ZBTB9: variants seen among roughly 807,000 people sequenced by gnomAD.
The protein encoded by ZBTB9 is zinc finger and BTB domain containing 9.
In ZBTB9, 17 loss-of-function variants were observed where a neutral mutation model predicts 26.3. That is an observed-to-expected ratio of 0.65 (90% confidence interval 0.44 to 0.97). The LOEUF is 0.97. ZBTB9 is among the 50% of genes least tolerant of loss of function. The pLI is 0.00. For missense variants in ZBTB9, 510 were observed against 594.2 expected (o/e 0.86, Z 1.47); for synonymous variants, 226 against 234.3 (o/e 0.96, Z 0.32).
rs1004993833 is a variant in ZBTB9, at chr6:33,456,653, T to C, written c.*131T>C. 1 of 1,430,740 alleles carries C rather than the reference T, an allele frequency of 7.0e-7. No individual in the cohort carries two copies. Among genetic ancestry groups the C allele is most frequent in the African/African-American group, 1.4e-5 (1 of 70,078 alleles). The allele number at this position is 1,430,740 out of a possible 1,614,324, so 88.6% of individuals were successfully genotyped here. On this transcript the variant is annotated 3_prime_UTR_variant, in exon 2 of 2. Coordinates refer to ENST00000395064, the MANE Select transcript of ZBTB9 (RefSeq NM_152735.4). The surrounding 1 kb of genome is among the most constrained non-coding windows in gnomAD (Gnocchi z 5.1). ...CAAGAGAATAGATACATTATGGACC[T>C]CTTGTTCTTAGATATGGGCCTCTCA...
chr6:33,457,387 G>A lies in ZBTB9; in HGVS notation c.*865G>A, dbSNP rs1294391323. 1 of 167,250 alleles carries A rather than the reference G, an allele frequency of 6.0e-6. No homozygotes were observed. The highest frequency in any genetic ancestry group is 1.9e-4 in the East Asian group (1 of 5,194). The allele number at this position is 167,250 out of a possible 1,614,324, so 10.4% of individuals were successfully genotyped here. A position where few individuals can be genotyped will look rare whatever the true frequency, so the allele number is the denominator to read the frequency against. On this transcript the variant is annotated 3_prime_UTR_variant, in exon 2 of 2. Transcript: ENST00000395064. Reference sequence around the variant, plus strand: ...GACAGCACAAGCTGAAGGCTGGAGAGTAACTTGCATAGTAGGACCATACCT... The same window carrying A: ...GACAGCACAAGCTGAAGGCTGGAGAATAACTTGCATAGTAGGACCATACCT...
Position 33,455,645 on chromosome 6 carries a change from C to T in ZBTB9, c.545C>T (p.Ser182Phe), listed in dbSNP as rs771242013. The T allele has an allele frequency of 4.3e-6, 7 of 1,614,040 alleles. No individual in the cohort carries two copies. The highest frequency in any genetic ancestry group is 1.6e-4 in the Middle Eastern group (1 of 6,084). Residue 182 changes from serine (S) to phenylalanine (F), a missense_variant, in exon 2 of 2, where the codon TCC (serine) becomes TTC (phenylalanine). Coordinates refer to ENST00000395064, the MANE Select transcript of ZBTB9 (RefSeq NM_152735.4). ...TCGCCTTTCCAGACCCCAGTACAGTCCTCTGCTTCTACTGAAAGCCCTGCT... is the reference window on the plus strand; with the variant it reads ...TCGCCTTTCCAGACCCCAGTACAGTTCTCTGCTTCTACTGAAAGCCCTGCT... The part of the protein sequence containing the change: ...RSSPFQTPVQ[S>F]SASTESPAST...
At position 33,455,471 on chromosome 6, in the gene ZBTB9, GC is replaced by G. The variant is rs1185704914; in HGVS notation, c.373del (p.Leu125PhefsTer6). On this transcript the variant is annotated frameshift_variant, in exon 2 of 2. Coordinates refer to ENST00000395064, the MANE Select transcript of ZBTB9 (RefSeq NM_152735.4). LOFTEE classifies it high-confidence loss of function. ...CCTGCTCATCTCCTTGTGGCCAGTG[GC>G]CTTCAAATGTGGCAGGTAGTAGATC... Reference protein sequence around the residue: ...ALPAHLLVASGLQMWQVVDQC... With the variant: ...ALPAHLLVASXLQMWQVVDQC... The G allele has an allele frequency of 6.2e-7, 1 of 1,614,154 alleles. No individual in the cohort carries two copies. The highest frequency in any genetic ancestry group is 8.5e-7 in the Non-Finnish European group (1 of 1,179,986).
In ZBTB9 at chr6:33,456,099, G is replaced by A; in HGVS notation, c.999G>A (p.Gly333=). The A allele has an allele frequency of 6.2e-7, 1 of 1,613,786 alleles. No individual in the cohort carries two copies. The highest frequency in any genetic ancestry group is 2.2e-5 in the East Asian group (1 of 44,886). ...GGTTCTTGTTGCCTTCAGGGCCAGGGCCAACATCTGGGGGAGGGGGTCCAT... is the reference window on the plus strand; with the variant it reads ...GGTTCTTGTTGCCTTCAGGGCCAGGACCAACATCTGGGGGAGGGGGTCCAT... ...ELGFLLPSGP[G]PTSGGGGPSW... Residue 333 remains glycine (G), a synonymous_variant, in exon 2 of 2, where the codon GGG becomes GGA. Transcript: ENST00000395064. The surrounding 1 kb of genome is among the most constrained non-coding windows in gnomAD (Gnocchi z 5.1).
chr6:33,455,198 CT>C lies in ZBTB9; in HGVS notation c.99del (p.Leu34CysfsTer5). Reference protein sequence around the residue: ...IQIEFPQHSSSLLESLNRHRL... With the variant: ...IQIEFPQHSSXLLESLNRHRL... Reference sequence around the variant, plus strand: ...ATCGAGTTCCCACAGCATAGCTCGTCTCTGCTGGAATCTCTGAACCGCCACA... The same window carrying C: ...ATCGAGTTCCCACAGCATAGCTCGTCCTGCTGGAATCTCTGAACCGCCACA... On this transcript the variant is annotated frameshift_variant, in exon 2 of 2. Transcript: ENST00000395064. LOFTEE classifies it low-confidence loss of function (END_TRUNC). 6.2e-7 allele frequency: 1 copy of C among 1,614,082 alleles called. No homozygotes were observed.
At position 33,455,778 on chromosome 6, in the gene ZBTB9, G is replaced by A; in HGVS notation, c.678G>A (p.Gln226=). The change falls in exon 2 of 2, where the codon CAG becomes CAA. Residue 226 remains glutamine (Q), a synonymous_variant. Coordinates refer to ENST00000395064, the MANE Select transcript of ZBTB9 (RefSeq NM_152735.4). ...EEEEDDDDED[Q]GSATLSQTPQ... is the part of the protein sequence containing the mutation. ...AGGAAGATGATGATGATGAGGACCAGGGGTCAGCCACACTCTCTCAGACTC... is the reference window on the plus strand; with the variant it reads ...AGGAAGATGATGATGATGAGGACCAAGGGTCAGCCACACTCTCTCAGACTC... 6.2e-7 allele frequency: 1 copy of A among 1,612,734 alleles called. No homozygotes were observed. The highest frequency in any genetic ancestry group is 1.7e-5 in the Admixed American group (1 of 59,936).
upstream of ZBTB9, chr6:33,453,637 G>A (rs1761404132): frequency 6.6e-6 from 1 of 151,334 alleles, no homozygotes; most frequent in Admixed American, 6.6e-5. Flanking sequence ...TTTTTCTGGA[G>A]TGTGTGGTGA....
Position 33,454,688 on chromosome 6 carries a change from G to A in ZBTB9, c.-159G>A, listed in dbSNP as rs1761442828. On this transcript the variant is annotated 5_prime_UTR_variant, in exon 1 of 2. Coordinates refer to ENST00000395064, the MANE Select transcript of ZBTB9 (RefSeq NM_152735.4). ...GGACAATCGGGCCGGGACTCGCGGTGTCCGGGTGACCGCGGCTTCCCGGGA... is the reference window on the plus strand; with the variant it reads ...GGACAATCGGGCCGGGACTCGCGGTATCCGGGTGACCGCGGCTTCCCGGGA... 2 of 233,528 alleles carry A rather than the reference G, an allele frequency of 8.6e-6. No individual in the cohort carries two copies. The highest frequency in any genetic ancestry group is 4.5e-5 in the African/African-American group (2 of 44,118). 14.5% of individuals were successfully genotyped at this position (233,528 alleles called of 1,614,324 possible).
At position 33,455,599 on chromosome 6, in the gene ZBTB9, G is replaced by A; in HGVS notation, c.499G>A (p.Gly167Arg). The change falls in exon 2 of 2, where the codon GGA becomes AGA. Residue 167 changes from glycine to arginine, a missense_variant. By Grantham distance (125) the Gly-to-Arg change is moderately radical. Transcript: ENST00000395064. Reference protein sequence around the residue: ...HALLSTTSSTGGWCIRSSPFQ... With the variant: ...HALLSTTSSTRGWCIRSSPFQ... ...CCTTCTTTCCACTACATCCTCTACA[G>A]GAGGCTGGTGCATTCGCTCTTCGCC... 6.2e-7 allele frequency: 1 copy of A among 1,613,952 alleles called. No individual in the cohort carries two copies. Among genetic ancestry groups the A allele is most frequent in the Non-Finnish European group, 8.5e-7 (1 of 1,179,888 alleles).
chr6:33,454,754 G>C lies in ZBTB9; in HGVS notation c.-93G>C, dbSNP rs1406257781. 8.7e-6 allele frequency: 3 copies of C among 343,858 alleles called. No individual in the cohort carries two copies. In the East Asian group the frequency reaches 1.4e-4, roughly 16 times the overall value. 21.3% of individuals were successfully genotyped at this position (343,858 alleles called of 1,614,324 possible). ...CACTGTGAGGCGGAACGGAGCGGCG[G>C]GGCAGGAGCTGTTCTGGGCAGGTGA... is the stretch of plus-strand genomic sequence containing the variant. On this transcript the variant is annotated 5_prime_UTR_variant, in exon 1 of 2. Coordinates refer to ENST00000395064, the MANE Select transcript of ZBTB9 (RefSeq NM_152735.4).
rs1475008846 is a variant in ZBTB9, at chr6:33,456,053, C to G, written c.953C>G (p.Thr318Ser). The G allele has an allele frequency of 6.2e-7, 1 of 1,614,078 alleles. No homozygotes were observed. Among genetic ancestry groups the G allele is most frequent in the Non-Finnish European group, 8.5e-7 (1 of 1,180,018 alleles). Residue 318 changes from threonine to serine, a missense_variant, in exon 2 of 2, where the codon ACT (threonine) becomes AGT (serine). This residue lies in a region of ZBTB9 where 439 missense variants were observed against 460.4 expected (regional missense o/e 0.95). Transcript: ENST00000395064. The surrounding 1 kb of genome is among the most constrained non-coding windows in gnomAD (Gnocchi z 5.1). ...ACCAAAGTGTTTTCTGGAGGGGACA[C>G]TGAAGGGAATGGGGAGCTAGGGTTC... ...EETKVFSGGD[T>S]EGNGELGFLL...
At position 33,456,010 on chromosome 6, in the gene ZBTB9, G is replaced by A; in HGVS notation, c.910G>A (p.Gly304Arg). Residue 304 changes from glycine (G) to arginine (R), a missense_variant, in exon 2 of 2, where the codon GGA becomes AGA. Around this residue, in one of 2 missense-constraint regions of ZBTB9, gnomAD observed 439 missense variants for 460.4 expected, o/e 0.95. Coordinates refer to ENST00000395064, the MANE Select transcript of ZBTB9 (RefSeq NM_152735.4). The surrounding 1 kb of genome is among the most constrained non-coding windows in gnomAD (Gnocchi z 5.1). ...GATATCAGGAAGCGGAACTCAGCCT[G>A]GAGGAGCAAAGGAGGAAACCAAAGT... ...EEISGSGTQP[G>R]GAKEETKVFS... 6.2e-7 allele frequency: 1 copy of A among 1,614,076 alleles called. No individual in the cohort carries two copies. Among genetic ancestry groups the A allele is most frequent in the Admixed American group, 1.7e-5 (1 of 60,026 alleles).
chr6:33,454,844 G>A lies in ZBTB9; in HGVS notation c.-72+69G>A, dbSNP rs187884720. 186 of 529,704 alleles carry A rather than the reference G, an allele frequency of 3.5e-4. 1 individual carries two copies. The highest frequency in any genetic ancestry group is 2.7e-3 in the African/African-American group (140 of 51,400). 32.8% of individuals were successfully genotyped at this position (529,704 alleles called of 1,614,324 possible). A position where few individuals can be genotyped will look rare whatever the true frequency, so the allele number is the denominator to read the frequency against. Reference sequence around the variant, plus strand: ...ACAGGGGCTGGAAGTTAAAACCCCTGTTGGTGTTTAGTGGTGGTGGTTGTT... The same window carrying A: ...ACAGGGGCTGGAAGTTAAAACCCCTATTGGTGTTTAGTGGTGGTGGTTGTT... On this transcript the variant is annotated intron_variant, in intron 1 of 1. Coordinates refer to ENST00000395064, the MANE Select transcript of ZBTB9 (RefSeq NM_152735.4).
At chr6:33,454,982 G>C in intron 1 of ZBTB9, 48 bp from the exon 2 acceptor site, 1 of 1,448,176 alleles carries the variant, frequency 6.9e-7, no homozygotes, top group Non-Finnish European at 9.2e-7. Flanking sequence ...AGAAGATGTG[G>C]CTCCCTTTAT....
At position 33,456,430 on chromosome 6, in the gene ZBTB9, G is replaced by A. The variant is rs1160336361; in HGVS notation, c.1330G>A (p.Gly444Ser). The A allele has an allele frequency of 6.2e-7, 1 of 1,614,142 alleles. No homozygotes were observed. Among genetic ancestry groups the A allele is most frequent in the Non-Finnish European group, 8.5e-7 (1 of 1,180,030 alleles). ...AGALHACPHC[G>S]RRFRVHACFL... ...AGCCCTGCATGCCTGTCCCCACTGTGGCCGTCGGTTCCGAGTCCATGCCTG... is the reference window on the plus strand; with the variant it reads ...AGCCCTGCATGCCTGTCCCCACTGTAGCCGTCGGTTCCGAGTCCATGCCTG... Residue 444 changes from glycine (G) to serine (S), a missense_variant, in exon 2 of 2, where the codon GGC (glycine) becomes AGC (serine). Physicochemically the swap from Gly to Ser is moderately conservative, Grantham distance 56. This residue lies in a region of ZBTB9 where 71 missense variants were observed against 133.8 expected (regional missense o/e 0.53). Coordinates refer to ENST00000395064, the MANE Select transcript of ZBTB9 (RefSeq NM_152735.4). The surrounding 1 kb of genome is among the most constrained non-coding windows in gnomAD (Gnocchi z 5.1).
At position 33,455,425 on chromosome 6, in the gene ZBTB9, C is replaced by T. The variant is rs201435440; in HGVS notation, c.325C>T (p.Arg109Cys). The T allele has an allele frequency of 2.3e-4, 364 of 1,613,726 alleles. 2 individuals carry two copies. The highest frequency in any genetic ancestry group is 1.7e-3 in the South Asian group (156 of 91,062). ...LLQLIYSGRL[R>C]LPLDALPAHL... ...CCAGCTCATTTATTCAGGGCGTCTC[C>T]GCCTGCCACTGGATGCTCTTCCTGC... Residue 109 changes from arginine to cysteine, a missense_variant, in exon 2 of 2, where the codon CGC becomes TGC. Physicochemically the swap from Arg to Cys is radical, Grantham distance 180. Coordinates refer to ENST00000395064, the MANE Select transcript of ZBTB9 (RefSeq NM_152735.4).
chr6:33,454,081 A>C (rs1187465088), upstream of ZBTB9: 1 of 152,200 alleles, frequency 6.6e-6, no homozygotes, highest in African/African-American at 2.4e-5. Context: ...GTTCCTTAGC[A>C]AATCTGAGTT....
Position 33,456,228 on chromosome 6 carries a change from A to AC in ZBTB9, c.1133dup (p.Ala379CysfsTer21). ...ATGGGCCTGTGAAGCTAGGGGGGAC[A>AC]CCCCCTGCAGATGGAAAACGCTTTG... On this transcript the variant is annotated frameshift_variant, in exon 2 of 2. Transcript: ENST00000395064. LOFTEE classifies it high-confidence loss of function. The surrounding 1 kb of genome is among the most constrained non-coding windows in gnomAD (Gnocchi z 5.1). 6.2e-7 allele frequency: 1 copy of AC among 1,611,944 alleles called. No individual in the cohort carries two copies. The highest frequency in any genetic ancestry group is 8.5e-7 in the Non-Finnish European group (1 of 1,179,326).
chr6:33,456,331 T>C lies in ZBTB9; in HGVS notation c.1231T>C (p.Phe411Leu). 6.2e-7 allele frequency: 1 copy of C among 1,614,080 alleles called. No homozygotes were observed. Among genetic ancestry groups the C allele is most frequent in the Non-Finnish European group, 8.5e-7 (1 of 1,180,024 alleles). ...HIMLTFSLRP[F>L]GCGICNKRFK... ...CATGCTGACCTTCAGCCTTCGGCCTTTTGGCTGTGGCATCTGCAACAAGCG... is the reference window on the plus strand; with the variant it reads ...CATGCTGACCTTCAGCCTTCGGCCTCTTGGCTGTGGCATCTGCAACAAGCG... The change falls in exon 2 of 2, where the codon TTT becomes CTT. Residue 411 changes from phenylalanine to leucine, a missense_variant. This residue lies in a region of ZBTB9 where 71 missense variants were observed against 133.8 expected (regional missense o/e 0.53). Coordinates refer to ENST00000395064, the MANE Select transcript of ZBTB9 (RefSeq NM_152735.4). This position sits in a 1 kb window ranked among gnomAD's most constrained non-coding sequence, Gnocchi z 5.1.
Sources: allele counts gnomAD v4.1 joint callset, GRCh38; gene constraint gnomAD v4.1.1; regional missense constraint gnomAD v4.1.1; non-coding constraint Gnocchi (gnomAD v3.1); transcripts MANE v1.5; gene names NCBI Gene and HGNC (gene_info 2026-07-23, HGNC 2026-07-21).